PTPRN2: variants seen among roughly 807,000 people sequenced by gnomAD.
PTPRN2 encodes the protein protein tyrosine phosphatase receptor type N2.
In PTPRN2, 74 loss-of-function variants were observed where a neutral mutation model predicts 118.8. The ratio of observed to expected loss-of-function variants is 0.62; its 90% CI spans 0.52 to 0.76. PTPRN2 has a LOEUF of 0.76. Ranked by LOEUF, PTPRN2 falls within the 30% of genes least tolerant of loss-of-function variation. The pLI is 0.00. For synonymous variants in PTPRN2, 641 were observed against 608.0 expected (o/e 1.05, Z -0.80); for missense variants, 1,481 against 1,394.4 (o/e 1.06, Z -0.99).
chr7:158,568,570 T>G (rs1827795888), intron 1 of PTPRN2, among the ~76,000 whole-genome samples: 1 of 152,170 alleles, frequency 6.6e-6, no homozygotes, highest in Non-Finnish European at 1.5e-5. Flanking sequence ...TGACTTGTAT[T>G]ACACAAAGCT....
At chr7:157,783,683 T>C (rs1274829844) in intron 12 of PTPRN2, among the ~76,000 whole-genome samples, 1 of 151,886 alleles carries the variant, frequency 6.6e-6, no homozygotes, top group Non-Finnish European at 1.5e-5. Context: ...GAAGACGCCC[T>C]GGCAGGAAGG....
At chr7:157,692,206 C>T (rs551306313) in intron 12 of PTPRN2, among the ~76,000 whole-genome samples, 42 of 152,144 alleles carry the variant, frequency 2.8e-4, no homozygotes, top group Admixed American at 3.3e-4. Flanking sequence ...GACGGCGGCC[C>T]GCGCCACTCG....
chr7:157,594,577 G>T (rs989574252), intron 17 of PTPRN2, among the ~76,000 whole-genome samples: 1 of 152,242 alleles, frequency 6.6e-6, no homozygotes, highest in Non-Finnish European at 1.5e-5. Context: ...GGGGTTGGCT[G>T]GTGTGCCCGA....
Position 157,953,393 on chromosome 7 carries a change from G to A in PTPRN2, c.1724-54656C>T, listed in dbSNP as rs576862208. 3.9e-5 allele frequency among the ~76,000 whole-genome samples: 6 copies of A among 152,112 alleles called. No individual in the cohort carries two copies. In the South Asian group the frequency reaches 6.2e-4, roughly 16 times the overall value. On this transcript the variant is annotated intron_variant, in intron 11 of 22. Coordinates refer to ENST00000389418, the MANE Select transcript of PTPRN2 (RefSeq NM_002847.5). This position sits in a 1 kb window ranked among gnomAD's most constrained non-coding sequence, Gnocchi z 4.6. ...TGGGAACTCAGGAGCAGGGGCTGGC[G>A]GCACTCCCCGGGCACAGAGGGAACG...
At chr7:158,455,783 C>T (rs1818419471) in intron 2 of PTPRN2, among the ~76,000 whole-genome samples, 1 of 149,798 alleles carries the variant, frequency 6.7e-6, no homozygotes, top group African/African-American at 2.5e-5. Flanking sequence ...CGGCCATGGC[C>T]ACCCATTACT....
chr7:158,582,611 T>C (rs757059682), intron 1 of PTPRN2, among the ~76,000 whole-genome samples: 44 of 151,912 alleles, frequency 2.9e-4, no homozygotes, highest in Non-Finnish European at 5.1e-4. Context: ...TTATTATATT[T>C]ACTCATGAAC....
intron 1 of PTPRN2, among the ~76,000 whole-genome samples, chr7:158,535,289 CA>C (rs1384570849): frequency 6.6e-6 from 1 of 152,286 alleles, no homozygotes; most frequent in East Asian, 1.9e-4. Flanking sequence ...TTGAGCCAAC[CA>C]CACCTAATGT....
intron 11 of PTPRN2, among the ~76,000 whole-genome samples, chr7:158,071,831 G>C (rs1374310013): frequency 8.3e-5 from 5 of 59,908 alleles, no homozygotes; most frequent in Non-Finnish European, 1.2e-4. Context: ...GGAGGTGCCC[G>C]TGGTGGAGGT....
chr7:158,344,440 A>G (rs1807333806), intron 2 of PTPRN2, among the ~76,000 whole-genome samples: 2 of 152,146 alleles, frequency 1.3e-5, no homozygotes, highest in African/African-American at 4.8e-5. Context: ...CAAACTGAAG[A>G]CACATAATTT....
intron 2 of PTPRN2, among the ~76,000 whole-genome samples, chr7:158,395,425 A>AGGGGTGC (rs1399849771): frequency 4.9e-4 from 1 of 2,044 alleles, no homozygotes; most frequent in African/African-American, 1.9e-3. Context: ...GTGAGGGGTG[A>AGGGGTGC]GGGGCGAGGG....
intron 2 of PTPRN2, among the ~76,000 whole-genome samples, chr7:158,410,868 G>A (rs4909215): frequency 3.8e-3 from 361 of 96,168 alleles, no homozygotes; most frequent in South Asian, 6.8e-3. Flanking sequence ...GCAGACAAGT[G>A]CCCAGGTGAC....
intron 1 of PTPRN2, among the ~76,000 whole-genome samples, chr7:158,516,266 G>C (rs1360148165): frequency 6.6e-6 from 1 of 152,206 alleles, no homozygotes; most frequent in Admixed American, 6.5e-5. Context: ...GATCACTTGA[G>C]CCCAGGAGTT....
At position 157,557,263 on chromosome 7, in the gene PTPRN2, ACACT is replaced by A. The variant is rs927621851; in HGVS notation, c.2903-8248_2903-8245del. On this transcript the variant is annotated intron_variant, in intron 21 of 22. Transcript: ENST00000389418. ...CACACAGGCATGCACACACCACACA[ACACT>A]CACATCCTACATCACATGTGCACAC... Among the ~76,000 whole-genome samples the A allele has an allele frequency of 6.6e-5, 10 of 151,616 alleles. No homozygotes were observed. The East Asian group carries it at 1.8e-3, about 27-fold the overall frequency.
At chr7:157,851,220 C>T (rs1379127940) in intron 12 of PTPRN2, among the ~76,000 whole-genome samples, 4 of 152,240 alleles carry the variant, frequency 2.6e-5, no homozygotes, top group Non-Finnish European at 5.9e-5. Context: ...TGGGTTCCTG[C>T]CTCCTATAGA....
chr7:158,405,386 G>A (rs1586590082), intron 2 of PTPRN2, among the ~76,000 whole-genome samples: 1 of 152,316 alleles, frequency 6.6e-6, no homozygotes, highest in South Asian at 2.1e-4. Flanking sequence ...CAGGAGGGCT[G>A]AAATCCTCCC....
At chr7:158,465,750 G>T (rs1024551682) in intron 2 of PTPRN2, among the ~76,000 whole-genome samples, 1 of 152,184 alleles carries the variant, frequency 6.6e-6, no homozygotes, top group Non-Finnish European at 1.5e-5. Context: ...GCCTCCAGTG[G>T]ATGCTTGGGA....
intron 12 of PTPRN2, among the ~76,000 whole-genome samples, chr7:157,814,959 C>A (rs1279819315): frequency 6.6e-6 from 1 of 152,220 alleles, no homozygotes; most frequent in Non-Finnish European, 1.5e-5. Flanking sequence ...TACGTGGTCA[C>A]CCGTGCATGG....
chr7:157,795,463 C>A (rs919909379), intron 12 of PTPRN2, among the ~76,000 whole-genome samples: 7 of 152,254 alleles, frequency 4.6e-5, no homozygotes, highest in Admixed American at 1.3e-4. Flanking sequence ...AACTCTCAAC[C>A]TCTTCCCAAG....
At chr7:157,623,719 C>T (rs141991189) in intron 14 of PTPRN2, among the ~76,000 whole-genome samples, 30 of 152,248 alleles carry the variant, frequency 2.0e-4, no homozygotes, top group East Asian at 7.7e-4. Flanking sequence ...TAGATACTGA[C>T]GCGATGTTTT....
Sources: gnomAD v4.1 joint callset for allele counts (sites outside exome capture counted in the v4.1 genomes callset) on GRCh38, gnomAD v4.1.1 for gene constraint, Gnocchi (gnomAD v3.1) non-coding constraint, MANE v1.5 for transcripts, NCBI Gene and HGNC (gene_info 2026-07-23, HGNC 2026-07-21) for gene names.